FBRSL1: variants seen among roughly 807,000 people sequenced by gnomAD.
FBRSL1 encodes the protein fibrosin-1-like protein.
A neutral mutation model predicts 89.6 loss-of-function variants in FBRSL1; 51 were observed. The ratio of observed to expected loss-of-function variants is 0.57; its 90% CI spans 0.45 to 0.72. FBRSL1 has a LOEUF of 0.72. Ranked by LOEUF, FBRSL1 falls within the 30% of genes least tolerant of loss-of-function variation. The probability of loss-of-function intolerance (pLI) is 0.00; values close to 1 mark genes in which losing one functional copy is unlikely to be tolerated. For missense variants in FBRSL1, 1,618 were observed against 1,451.8 expected (o/e 1.11, Z -1.86); for synonymous variants, 779 against 681.1 (o/e 1.14, Z -2.24).
chr12:132,545,897 C>T (rs1198992765), intron 4 of FBRSL1, among the ~76,000 whole-genome samples: 1 of 152,230 alleles, frequency 6.6e-6, no homozygotes, highest in Non-Finnish European at 1.5e-5. Context: ...CCCCAGAAAT[C>T]CCACTGTGAG....
chr12:132,547,945 C>CG (rs2037838372), intron 4 of FBRSL1, 58 bp from the exon 5 acceptor site: 1 of 1,543,726 alleles, frequency 6.5e-7, no homozygotes, highest in Admixed American at 2.0e-5. Context: ...TGCCGTGCCC[C>CG]GGGGGGTGAC....
chr12:132,568,874 T>C (rs909254952), intron 6 of FBRSL1, among the ~76,000 whole-genome samples: 2 of 151,944 alleles, frequency 1.3e-5, no homozygotes, highest in African/African-American at 4.8e-5. Context: ...GGCTGCTTCC[T>C]GCTGCCTGTT....
Position 132,583,409 on chromosome 12 carries a change from C to T in FBRSL1, c.2640C>T (p.Pro880=), listed in dbSNP as rs1251762980. 1 of 1,077,626 alleles carries T rather than the reference C, an allele frequency of 9.3e-7. No homozygotes were observed. 66.8% of individuals were successfully genotyped at this position (1,077,626 alleles called of 1,614,324 possible). A position where few individuals can be genotyped will look rare whatever the true frequency, so the allele number is the denominator to read the frequency against. ...CGGGCTCCGCCGCCCTCTTGGAGCC[C>T]CCGGAGCGCCCCTACCGCGACCGCG... ...PAPGSAALLE[P]PERPYRDREP... Residue 880 remains proline (P), a synonymous_variant, in exon 19 of 19, where the codon CCC becomes CCT. Coordinates refer to ENST00000680143, the MANE Select transcript of FBRSL1 (RefSeq NM_001367871.1).
In FBRSL1 at chr12:132,572,367, G is replaced by T. The variant is rs372271501; in HGVS notation, c.1434+23G>T. 127 of 1,550,432 alleles carry T rather than the reference G, an allele frequency of 8.2e-5. 1 individual carries two copies. Among genetic ancestry groups the T allele is most frequent in the South Asian group, 4.2e-4 (35 of 84,030 alleles). ...AGTGTGAGTGTCCCCGAGGGGCCCG[G>T]CGCGTGTCGCTGTGCACGCAGGTCC... is the stretch of plus-strand genomic sequence containing the variant. On this transcript the variant is annotated intron_variant, in intron 10 of 18. Coordinates refer to ENST00000680143, the MANE Select transcript of FBRSL1 (RefSeq NM_001367871.1).
At chr12:132,495,744 T>A (rs116006088) in intron 1 of FBRSL1, among the ~76,000 whole-genome samples, 1 of 152,168 alleles carries the variant, frequency 6.6e-6, no homozygotes, top group African/African-American at 2.4e-5. Flanking sequence ...GGAGGTGGAC[T>A]CAGAGGCCCT....
At chr12:132,576,737 G>A (rs1282002180) in intron 14 of FBRSL1, 62 bp from the exon 15 acceptor site, 2 of 1,511,874 alleles carry the variant, frequency 1.3e-6, no homozygotes, top group African/African-American at 1.4e-5. Context: ...CCTCAGGCCT[G>A]GGCTCCCTGT....
chr12:132,572,221 G>C, intron 9 of FBRSL1, 67 bp from the exon 10 acceptor site: 1 of 1,469,594 alleles, frequency 6.8e-7, no homozygotes, highest in Non-Finnish European at 9.3e-7. Context: ...GGCCAGGTGG[G>C]CGGGGCCCGG....
At chr12:132,555,656 T>C (rs2038576030) in intron 5 of FBRSL1, among the ~76,000 whole-genome samples, 1 of 152,218 alleles carries the variant, frequency 6.6e-6, no homozygotes, top group African/African-American at 2.4e-5. Flanking sequence ...TTCCTGCCTC[T>C]TCCCACTCCT....
intron 1 of FBRSL1, among the ~76,000 whole-genome samples, chr12:132,498,037 T>TG (rs1029878825): frequency 6.6e-5 from 10 of 152,008 alleles, no homozygotes; most frequent in Non-Finnish European, 1.2e-4. Context: ...CTGGGAGAGC[T>TG]GGGGGGCCCG....
In FBRSL1 at chr12:132,583,455, G is replaced by T; in HGVS notation, c.2686G>T (p.Glu896Ter). The T allele has an allele frequency of 9.4e-7, 1 of 1,062,424 alleles. No homozygotes were observed. Among genetic ancestry groups the T allele is most frequent in the Non-Finnish European group, 1.1e-6 (1 of 878,436 alleles). The allele number at this position is 1,062,424 out of a possible 1,614,324, so 65.8% of individuals were successfully genotyped here. A position where few individuals can be genotyped will look rare whatever the true frequency, so the allele number is the denominator to read the frequency against. Reference protein sequence around the residue: ...RDREPHGYSPERLRGELERAR... With the variant: ...RDREPHGYSP ...CCGCGAGCCCCACGGCTACAGCCCC[G>T]AGCGCCTGCGCGGGGAGCTGGAGCG... is the stretch of plus-strand genomic sequence containing the variant. The change falls in exon 19 of 19, where the codon GAG becomes TAG. Residue 896 changes from glutamate (E) to a stop codon, truncating the protein, a stop_gained. Transcript: ENST00000680143. LOFTEE classifies it high-confidence loss of function.
At chr12:132,581,330 G>C in intron 15 of FBRSL1, 109 bp from the exon 16 acceptor site, 27 of 1,542,640 alleles carry the variant, frequency 1.8e-5, no homozygotes, top group Non-Finnish European at 2.3e-5. Flanking sequence ...GAGAGAATGG[G>C]AGGTGAAGGT....
chr12:132,534,194 T>A (rs2036530109), intron 4 of FBRSL1, among the ~76,000 whole-genome samples: 1 of 152,154 alleles, frequency 6.6e-6, no homozygotes, highest in Non-Finnish European at 1.5e-5. Flanking sequence ...CTTGGGGTCC[T>A]GGGAGGTGGC....
chr12:132,554,836 A>G (rs1010859409), intron 5 of FBRSL1: 2 of 152,204 alleles, frequency 1.3e-5, no homozygotes, highest in African/African-American at 4.8e-5. Flanking sequence ...AATCCCAGCT[A>G]CTCAAGAGGC....
chr12:132,528,135 C>CA lies in FBRSL1; in HGVS notation c.615+150dup. ...TGGAGCCCCAGACTGGTTCTGGCCT[C>CA]AAACACCATGGGGTTGGTGGGGGGT... On this transcript the variant is annotated intron_variant, in intron 4 of 18. Transcript: ENST00000680143. The CA allele has an allele frequency of 4.1e-6, 3 of 732,918 alleles. No homozygotes were observed. The South Asian group carries it at 5.0e-5, about 12-fold the overall frequency. The allele number at this position is 732,918 out of a possible 1,614,324, so 45.4% of individuals were successfully genotyped here. A position where few individuals can be genotyped will look rare whatever the true frequency, so the allele number is the denominator to read the frequency against.
chr12:132,515,857 G>A (rs906056623), intron 2 of FBRSL1, among the ~76,000 whole-genome samples: 18 of 132,500 alleles, frequency 1.4e-4, no homozygotes, highest in African/African-American at 4.7e-4. Flanking sequence ...CTGAGATCAC[G>A]CCACTGCACT....
At chr12:132,548,152 C>A in intron 5 of FBRSL1, 120 bp downstream of exon 5, 2 of 1,255,722 alleles carry the variant, frequency 1.6e-6, no homozygotes, top group Non-Finnish European at 2.2e-6. Context: ...GGGATCCCCC[C>A]GCCCGGTGGG....
intron 5 of FBRSL1, chr12:132,559,965 C>CG (rs2038970277): frequency 6.8e-6 from 1 of 147,700 alleles, no homozygotes; most frequent in Non-Finnish European, 1.5e-5. Flanking sequence ...CTCCCGCGCG[C>CG]CCAGCTCCGC....
chr12:132,568,046 G>T (rs374269981), intron 6 of FBRSL1, among the ~76,000 whole-genome samples: 47 of 148,476 alleles, frequency 3.2e-4, no homozygotes, highest in African/African-American at 1.1e-3. Flanking sequence ...AGAGGGGGTA[G>T]CCCCGGCGTC....
intron 2 of FBRSL1, among the ~76,000 whole-genome samples, chr12:132,522,176 GCTGGCTCCC>G (rs2035417613): frequency 6.6e-6 from 1 of 152,164 alleles, no homozygotes; most frequent in African/African-American, 2.4e-5. Context: ...CGGGGCCACT[GCTGGCTCCC>G]GTCTCTCTGG....
Sources: gnomAD v4.1 joint callset for allele counts (sites outside exome capture counted in the v4.1 genomes callset) on GRCh38, gnomAD v4.1.1 for gene constraint, MANE v1.5 for transcripts, NCBI Gene and HGNC (gene_info 2026-07-23, HGNC 2026-07-21) for gene names.